PATJ: variants seen among roughly 807,000 people sequenced by gnomAD.
PATJ encodes inaD-like protein.
In PATJ, 190 loss-of-function variants were observed where a neutral mutation model predicts 224.9. The observed-to-expected ratio is 0.84, with a 90% CI of 0.75 to 0.95. The LOEUF (loss-of-function observed/expected upper bound fraction) is 0.95, where lower values mean the gene tolerates loss of function less well. Among genes scored for constraint, PATJ ranks in the 40% least tolerant of loss-of-function variants. The probability of loss-of-function intolerance (pLI) is 0.00; values close to 1 mark genes in which losing one functional copy is unlikely to be tolerated. For synonymous variants in PATJ, 769 were observed against 820.3 expected (o/e 0.94, Z 1.07); for missense variants, 2,121 against 2,270.3 (o/e 0.93, Z 1.34).
At chr1:61,759,639 C>T (rs182663250) in intron 1 of PATJ, among the ~76,000 whole-genome samples, 181 of 152,328 alleles carry the variant, frequency 1.2e-3, no homozygotes, top group African/African-American at 4.2e-3. Flanking sequence ...AGCTCCTGAC[C>T]TCAAGTGATC....
At position 61,908,357 on chromosome 1, in the gene PATJ, G is replaced by T. The variant is rs1418220106; in HGVS notation, c.3382-15G>T. 1 of 1,557,630 alleles carries T rather than the reference G, an allele frequency of 6.4e-7. No homozygotes were observed. Among genetic ancestry groups the T allele is most frequent in the Non-Finnish European group, 8.9e-7 (1 of 1,128,640 alleles). On this transcript the variant is annotated splice_polypyrimidine_tract_variant and intron_variant, in intron 24 of 43. Coordinates refer to ENST00000642238, the MANE Select transcript of PATJ (RefSeq NM_001350145.3). ...AGTGCTGTTCTAATTGAAATAACTT[G>T]CTTCTGTGTTTCAGGTGTCTGGAGT... is the stretch of plus-strand genomic sequence containing the variant.
chr1:62,152,815 G>A lies in PATJ; in HGVS notation c.5379-543G>A, dbSNP rs538720776. Among the ~76,000 whole-genome samples, 7 of 152,172 alleles carry A rather than the reference G, an allele frequency of 4.6e-5. No individual in the cohort carries two copies. In the South Asian group the frequency reaches 1.5e-3, roughly 32 times the overall value. The stretch of plus-strand genomic sequence containing the variant: ...CACATGCTTCAAGGATGTGACGACA[G>A]CTTCCTTCAGCTGTCAGCAGTAAGT... On this transcript the variant is annotated intron_variant, in intron 42 of 43. Transcript: ENST00000642238.
chr1:61,974,057 G>A (rs1643977148), intron 27 of PATJ, among the ~76,000 whole-genome samples: 1 of 151,372 alleles, frequency 6.6e-6, no homozygotes, highest in South Asian at 2.1e-4. Flanking sequence ...TTGTAGATAT[G>A]ACATGGATCC....
chr1:62,096,476 T>A (rs1241276695), intron 33 of PATJ, among the ~76,000 whole-genome samples: 1 of 152,164 alleles, frequency 6.6e-6, no homozygotes, highest in Non-Finnish European at 1.5e-5. Flanking sequence ...AGCTTAATCC[T>A]GAGTAGTCTG....
chr1:62,152,355 G>A (rs1393387919), intron 42 of PATJ, among the ~76,000 whole-genome samples: 2 of 152,096 alleles, frequency 1.3e-5, no homozygotes, highest in Non-Finnish European at 2.9e-5. Context: ...AGGGCGTTCC[G>A]GCAGAAAAGG....
At chr1:62,106,063 A>AATATATATAT (rs1553268230) in intron 33 of PATJ, among the ~76,000 whole-genome samples, 5 of 39,662 alleles carry the variant, frequency 1.3e-4, no homozygotes, top group African/African-American at 3.9e-4. Context: ...AAAAAAAAAA[A>AATATATATAT]ATATATATAT....
At chr1:61,911,246 G>A (rs6670151) in intron 25 of PATJ, among the ~76,000 whole-genome samples, 9,408 of 151,978 alleles carry the variant, frequency 0.062, 954 homozygotes, top group African/African-American at 0.22. Context: ...ACAGAGTCTC[G>A]CTCTTCGCCC....
intron 25 of PATJ, among the ~76,000 whole-genome samples, chr1:61,912,797 A>C (rs1436363441): frequency 1.3e-5 from 2 of 152,088 alleles, no homozygotes; most frequent in Non-Finnish European, 2.9e-5. Context: ...TCTATTTAGC[A>C]TCAGCTAGTT....
At chr1:62,129,014 A>C in intron 41 of PATJ, 69 bp downstream of exon 41, 1 of 1,009,962 alleles carries the variant, frequency 9.9e-7, no homozygotes, top group East Asian at 2.4e-5. Flanking sequence ...ATTGAGCGTC[A>C]CTGGCAGTAG....
chr1:62,039,204 G>A, intron 30 of PATJ: 1 of 456,558 alleles, frequency 2.2e-6, no homozygotes, highest in Admixed American at 3.2e-5. Context: ...CAGTAGTTAG[G>A]CCATTCATTT....
intron 5 of PATJ, 113 bp from the exon 6 acceptor site, chr1:61,771,318 A>T (rs376543718): frequency 2.9e-4 from 157 of 537,528 alleles, no homozygotes; most frequent in South Asian, 2.1e-3. Context: ...AATTTATTTG[A>T]TAAATGTACT....
At chr1:61,877,480 G>C (rs542288783) in intron 21 of PATJ, among the ~76,000 whole-genome samples, 6 of 152,060 alleles carry the variant, frequency 3.9e-5, no homozygotes, top group Admixed American at 2.0e-4. Context: ...TATTGGGGAA[G>C]GGACTTGGTA....
Position 61,801,683 on chromosome 1 carries a change from A to G in PATJ, c.1463A>G (p.Glu488Gly), listed in dbSNP as rs138715610. The change falls in exon 12 of 44, where the codon GAA becomes GGA. Residue 488 changes from glutamate to glycine, a missense_variant. Transcript: ENST00000642238. Reference protein sequence around the residue: ...ALFLTGAVETETNVDGEDEEI... With the variant: ...ALFLTGAVETGTNVDGEDEEI... ...TTTCTAACTGGAGCAGTGGAAACTG[A>G]AACTAATGTGGATGGTGAAGATGAG... The G allele has an allele frequency of 5.1e-5, 81 of 1,602,448 alleles. No homozygotes were observed. In the African/African-American group the frequency reaches 9.5e-4, roughly 19 times the overall value.
chr1:61,860,002 A>G (rs1220588516), intron 18 of PATJ, among the ~76,000 whole-genome samples: 2 of 152,234 alleles, frequency 1.3e-5, no homozygotes, highest in Non-Finnish European at 2.9e-5. Flanking sequence ...ATCCCAAGTC[A>G]GGGTAGAGCA....
intron 13 of PATJ, 55 bp from the exon 14 acceptor site, chr1:61,808,419 G>T (rs1654013963): frequency 2.0e-6 from 2 of 1,014,094 alleles, no homozygotes; most frequent in Non-Finnish European, 3.1e-6. Flanking sequence ...AGAAAATGTA[G>T]GAGGAAATAC....
At position 62,163,550 on chromosome 1, in the gene PATJ, C is replaced by A. The variant is rs1669983330; in HGVS notation, c.*2496C>A. 1.3e-5 allele frequency: 2 copies of A among 152,554 alleles called. No individual in the cohort carries two copies. Among genetic ancestry groups the A allele is most frequent in the Non-Finnish European group, 2.9e-5 (2 of 68,042 alleles). The allele number at this position is 152,554 out of a possible 1,614,324, so 9.5% of individuals were successfully genotyped here. ...TTATACATTATCCTTTTAGGTCGTG[C>A]TAGTAAAAGTATATTGATGAAGGAA... is the stretch of plus-strand genomic sequence containing the variant. On this transcript the variant is annotated 3_prime_UTR_variant, in exon 44 of 44. Coordinates refer to ENST00000642238, the MANE Select transcript of PATJ (RefSeq NM_001350145.3).
chr1:61,779,660 A>G (rs1647137826), intron 7 of PATJ, among the ~76,000 whole-genome samples: 1 of 152,230 alleles, frequency 6.6e-6, no homozygotes, highest in African/African-American at 2.4e-5. Flanking sequence ...AGATTCCCGT[A>G]CTACTTTGTA....
Position 61,990,272 on chromosome 1 carries a change from C to T in PATJ, c.3775C>T (p.Arg1259Ter), listed in dbSNP as rs756349824. The T allele has an allele frequency of 3.1e-6, 5 of 1,613,874 alleles. No homozygotes were observed. Among genetic ancestry groups the T allele is most frequent in the Middle Eastern group, 1.6e-4 (1 of 6,062 alleles). ...LGLSLAGNKD[R>*]SRMSIFVVGI... ...ACTCAGCCTTGCTGGTAATAAAGAC[C>T]GATCACGCATGAGCATATTTGTGGT... The change falls in exon 28 of 44, where the codon CGA becomes TGA. Residue 1259 changes from arginine to a stop codon, truncating the protein, a stop_gained. Transcript: ENST00000642238. LOFTEE classifies it high-confidence loss of function.
chr1:61,787,109 G>A (rs892972213), intron 7 of PATJ, among the ~76,000 whole-genome samples: 3 of 152,100 alleles, frequency 2.0e-5, no homozygotes, highest in African/African-American at 7.2e-5. Context: ...CTCCCAACTT[G>A]TATCTTTGCT....
Sources: allele counts gnomAD v4.1 joint callset (sites outside exome capture counted in the v4.1 genomes callset), GRCh38; gene constraint gnomAD v4.1.1; transcripts MANE v1.5; gene names NCBI Gene and HGNC (gene_info 2026-07-23, HGNC 2026-07-21).